The following TGS1 variants were observed in gnomAD, a reference collection of about 807,000 sequenced individuals.
The protein encoded by TGS1 is trimethylguanosine synthase 1.
A neutral mutation model predicts 92.2 loss-of-function variants in TGS1; 69 were observed. That is an observed-to-expected ratio of 0.75 (90% CI 0.62 to 0.91). The LOEUF (loss-of-function observed/expected upper bound fraction) is 0.91, where lower values mean the gene tolerates loss of function less well. Ranked by LOEUF, TGS1 falls within the 40% of genes least tolerant of loss-of-function variation. The pLI is 0.00. For missense variants in TGS1, 1,062 were observed against 1,001.2 expected (o/e 1.06, Z -0.82); for synonymous variants, 345 against 338.1 (o/e 1.02, Z -0.22).
chr8:55,824,747 T>G lies in TGS1; in HGVS notation c.*44T>G. Reference sequence around the variant, plus strand: ...ACAAAAGATCATGGAGTGGTCAAAATATTCAGATGAGACATTTGGCATGTC... The same window carrying G: ...ACAAAAGATCATGGAGTGGTCAAAAGATTCAGATGAGACATTTGGCATGTC... On this transcript the variant is annotated 3_prime_UTR_variant, in exon 13 of 13. Transcript: ENST00000260129. 1 of 1,606,274 alleles carries G rather than the reference T, an allele frequency of 6.2e-7. No individual in the cohort carries two copies. Among genetic ancestry groups the G allele is most frequent in the Non-Finnish European group, 8.5e-7 (1 of 1,175,180 alleles).
At chr8:55,782,386 G>A (rs1406014201) in intron 1 of TGS1, among the ~76,000 whole-genome samples, 2 of 152,018 alleles carry the variant, frequency 1.3e-5, no homozygotes, top group Non-Finnish European at 2.9e-5. Context: ...CATCATGTTG[G>A]CCAGGCTGGT....
Position 55,786,347 on chromosome 8 carries a change from A to C in TGS1, c.449A>C (p.Asp150Ala). ...TGGAGAAAAGAATATGAAGAAGACG[A>C]CATTTTGGCTTCAGATGATCCATCT... ...ESWRKEYEEDDILASDDPSSI... is the reference protein window; with the variant it reads ...ESWRKEYEEDAILASDDPSSI... The change falls in exon 4 of 13, where the codon GAC (aspartate) becomes GCC (alanine). Residue 150 changes from aspartate to alanine, a missense_variant. Physicochemically the swap from Asp to Ala is moderately radical, Grantham distance 126. Coordinates refer to ENST00000260129, the MANE Select transcript of TGS1 (RefSeq NM_024831.8). 6.2e-7 allele frequency: 1 copy of C among 1,612,900 alleles called. No individual in the cohort carries two copies. The highest frequency in any genetic ancestry group is 8.5e-7 in the Non-Finnish European group (1 of 1,179,464).
chr8:55,824,924 A>G lies in TGS1; in HGVS notation c.*221A>G. ...AAATTAATATATATGAGTCCTTTGT[A>G]ATTTATTTTTTTTTGAGACAGGATC... On this transcript the variant is annotated 3_prime_UTR_variant, in exon 13 of 13. Coordinates refer to ENST00000260129, the MANE Select transcript of TGS1 (RefSeq NM_024831.8). The G allele has an allele frequency of 2.2e-6, 1 of 462,752 alleles. No homozygotes were observed. The allele number at this position is 462,752 out of a possible 1,614,324, so 28.7% of individuals were successfully genotyped here. A position where few individuals can be genotyped will look rare whatever the true frequency, so the allele number is the denominator to read the frequency against.
At chr8:55,795,881 T>TA (rs1454391898) in intron 6 of TGS1, 97 bp from the exon 7 acceptor site, 4 of 940,782 alleles carry the variant, frequency 4.3e-6, no homozygotes, top group Non-Finnish European at 6.5e-6. Context: ...TAAAATGGTG[T>TA]AAAAATGAGT....
chr8:55,786,613 C>T lies in TGS1; in HGVS notation c.715C>T (p.Gln239Ter). 1 of 1,614,118 alleles carries T rather than the reference C, an allele frequency of 6.2e-7. No homozygotes were observed. Among genetic ancestry groups the T allele is most frequent in the Non-Finnish European group, 8.5e-7 (1 of 1,180,000 alleles). ...TCCTGATACAAAGGAAGAATGGGAG[C>T]AACATTATAGTCAACTTTATTGGTA... ...NFPDTKEEWEQHYSQLYWYYL... is the reference protein window; with the variant it reads ...NFPDTKEEWE The change falls in exon 4 of 13, where the codon CAA (glutamine) becomes TAA (stop). Residue 239 changes from glutamine (Q) to a stop codon, truncating the protein, a stop_gained. Transcript: ENST00000260129. LOFTEE classifies it high-confidence loss of function.
chr8:55,776,873 T>C lies in TGS1; in HGVS notation c.101+3154T>C, dbSNP rs77307351. ...TCTCCTTTTGATTAGGCCTTGTCAT[T>C]TGGGACTTGTCTTCAACCTGTCTGG... is the stretch of plus-strand genomic sequence containing the variant. On this transcript the variant is annotated intron_variant, in intron 1 of 12. Coordinates refer to ENST00000260129, the MANE Select transcript of TGS1 (RefSeq NM_024831.8). 5.8e-3 allele frequency among the ~76,000 whole-genome samples: 885 copies of C among 152,330 alleles called. 4 individuals are homozygous for C. The highest frequency in any genetic ancestry group is 0.02 in the African/African-American group (830 of 41,564).
At position 55,814,176 on chromosome 8, in the gene TGS1, A is replaced by G. The variant is rs12547000; in HGVS notation, c.2439+1058A>G. Among the ~76,000 whole-genome samples the G allele has an allele frequency of 7.3e-3, 1,110 of 152,152 alleles. 19 individuals carry two copies. Among genetic ancestry groups the G allele is most frequent in the Admixed American group, 0.041 (630 of 15,264 alleles). On this transcript the variant is annotated intron_variant, in intron 12 of 12. Transcript: ENST00000260129. ...TTGCCCACACTGGTCTCAAAATTAA[A>G]GGCTCAAGCAATCCTCCTGCCTCAG...
rs1305673598 is a variant in TGS1 at position 55,773,685 on chromosome 8, A to G, written c.67A>G (p.Lys23Glu). 1.9e-6 allele frequency: 3 copies of G among 1,611,516 alleles called. No homozygotes were observed. The change falls in exon 1 of 13, where the codon AAG becomes GAG. Residue 23 changes from lysine to glutamate, a missense_variant. Coordinates refer to ENST00000260129, the MANE Select transcript of TGS1 (RefSeq NM_024831.8). ...FLFIEEREDC[K>E]ILCLCSRAFV... ...CTTCATTGAGGAGCGGGAGGATTGT[A>G]AGATACTGTGCCTTTGCTCCAGGGC...
chr8:55,799,236 C>A lies in TGS1; in HGVS notation c.1849+16C>A. On this transcript the variant is annotated intron_variant, in intron 8 of 12. Coordinates refer to ENST00000260129, the MANE Select transcript of TGS1 (RefSeq NM_024831.8). The stretch of plus-strand genomic sequence containing the variant: ...GAAACTGAAGGTAACACTAAATATG[C>A]TTCAACTTGCTAATGGATTTAGATA... 6.4e-7 allele frequency: 1 copy of A among 1,570,606 alleles called. No individual in the cohort carries two copies. The highest frequency in any genetic ancestry group is 8.6e-7 in the Non-Finnish European group (1 of 1,163,624).
At chr8:55,793,081 T>C (rs1811929170) in intron 6 of TGS1, among the ~76,000 whole-genome samples, 1 of 152,226 alleles carries the variant, frequency 6.6e-6, no homozygotes, top group Admixed American at 6.5e-5. Context: ...TCTTGTGACT[T>C]CTAAGCATGG....
intron 11 of TGS1, among the ~76,000 whole-genome samples, chr8:55,812,495 C>CAA (rs59611291): frequency 0.4 from 38,684 of 97,916 alleles, 7,862 homozygotes; most frequent in South Asian, 0.5. Context: ...GACTCTGTCT[C>CAA]AAAAAAAAAA....
In TGS1 at chr8:55,790,217, G is replaced by A. The variant is rs760061392; in HGVS notation, c.1198G>A (p.Asp400Asn). 1.2e-6 allele frequency: 2 copies of A among 1,614,024 alleles called. No homozygotes were observed. Among genetic ancestry groups the A allele is most frequent in the Admixed American group, 1.7e-5 (1 of 60,018 alleles). ...QKSSGANTSKDRPHASGTDGD... is the reference protein window; with the variant it reads ...QKSSGANTSKNRPHASGTDGD... ...GTCTTCAGGAGCAAACACAAGCAAA[G>A]ACAGACCACATGCCAGTGGTACTGA... The change falls in exon 5 of 13, where the codon GAC (aspartate) becomes AAC (asparagine). Residue 400 changes from aspartate (D) to asparagine (N), a missense_variant. Asp to Asn is a conservative substitution (Grantham distance 23). Transcript: ENST00000260129.
chr8:55,790,275 A>G lies in TGS1; in HGVS notation c.1256A>G (p.His419Arg), dbSNP rs1811841648. 1.2e-6 allele frequency: 2 copies of G among 1,613,828 alleles called. No individual in the cohort carries two copies. Among genetic ancestry groups the G allele is most frequent in the African/African-American group, 2.7e-5 (2 of 74,928 alleles). ...GDESEEDPPE[H>R]KPSKLKRSHE... ...GAAAGTGAGGAAGACCCACCTGAGC[A>G]TAAGCCAAGCAAACTGAAGAGGAGG... Residue 419 changes from histidine to arginine, a missense_variant, in exon 5 of 13, where the codon CAT becomes CGT. Physicochemically the swap from His to Arg is conservative, Grantham distance 29. Transcript: ENST00000260129.
intron 2 of TGS1, among the ~76,000 whole-genome samples, chr8:55,784,616 G>T (rs1811656830): frequency 6.6e-6 from 1 of 152,104 alleles, no homozygotes; most frequent in Non-Finnish European, 1.5e-5. Context: ...CCAACCCCAG[G>T]ATTTCAAACT....
At position 55,786,930 on chromosome 8, in the gene TGS1, T is replaced by C. The variant is rs375438967; in HGVS notation, c.1032T>C (p.Gly344=). 3 of 1,614,110 alleles carry C rather than the reference T, an allele frequency of 1.9e-6. No individual in the cohort carries two copies. Among genetic ancestry groups the C allele is most frequent in the Non-Finnish European group, 2.5e-6 (3 of 1,180,016 alleles). ...TAGATTCCTGTACAAGTCATGATGG[T>C]CATCAACAGCTAAGTGAAGTTAGTA... The part of the protein sequence containing the change: ...SQLDSCTSHD[G]HQQLSEVSSK... Residue 344 remains glycine (G), a synonymous_variant, in exon 4 of 13, where the codon GGT becomes GGC. Transcript: ENST00000260129.
At chr8:55,814,673 A>AT (rs1563469596) in intron 12 of TGS1, among the ~76,000 whole-genome samples, 189 of 134,486 alleles carry the variant, frequency 1.4e-3, no homozygotes, top group East Asian at 5.4e-3. Context: ...AAAAAAAAAA[A>AT]AATATATATA....
Position 55,804,971 on chromosome 8 carries a change from T to G in TGS1, c.2078T>G (p.Val693Gly), listed in dbSNP as rs770829342. The part of the protein sequence containing the change: ...GRVSQSFKCD[V>G]VVDAFCGVGG... The stretch of plus-strand genomic sequence containing the variant: ...GTTAGTCAGTCCTTCAAGTGTGACG[T>G]TGTAGTAGACGCATTCTGTGGAGTT... The change falls in exon 10 of 13, where the codon GTT becomes GGT. Residue 693 changes from valine to glycine, a missense_variant. Physicochemically the swap from Val to Gly is moderately radical, Grantham distance 109 (BLOSUM62 -3). Transcript: ENST00000260129. 6.2e-7 allele frequency: 1 copy of G among 1,614,006 alleles called. No homozygotes were observed. The highest frequency in any genetic ancestry group is 1.3e-5 in the African/African-American group (1 of 74,934).
chr8:55,784,247 A>G (rs1811648878), intron 2 of TGS1, among the ~76,000 whole-genome samples: 1 of 152,238 alleles, frequency 6.6e-6, no homozygotes, highest in African/African-American at 2.4e-5. Context: ...TTACTATTAG[A>G]TAACCATATT....
intron 9 of TGS1, among the ~76,000 whole-genome samples, chr8:55,802,983 A>G (rs1330865923): frequency 6.6e-6 from 1 of 151,618 alleles, no homozygotes; most frequent in Non-Finnish European, 1.5e-5. Flanking sequence ...CTTCCAGTAT[A>G]GGATCATGTA....
Sources: gnomAD v4.1 joint callset for allele counts (sites outside exome capture counted in the v4.1 genomes callset) on GRCh38, gnomAD v4.1.1 for gene constraint, MANE v1.5 for transcripts, NCBI Gene and HGNC (gene_info 2026-07-23, HGNC 2026-07-21) for gene names.